The following SYT17 variants were observed in gnomAD, a reference collection of about 807,000 sequenced individuals.
SYT17 encodes synaptotagmin-17.
Under a neutral mutation model 46.7 loss-of-function variants are expected in SYT17, and 22 were observed. That is an observed-to-expected ratio of 0.47 (90% CI 0.34 to 0.67). SYT17 has a LOEUF of 0.67. SYT17 is among the 30% of genes least tolerant of loss of function. SYT17 has a pLI of 0.01. For missense variants in SYT17, 519 were observed against 612.8 expected (o/e 0.85, Z 1.62); for synonymous variants, 251 against 248.4 (o/e 1.01, Z -0.10).
At chr16:19,204,022 C>A (rs1359323698) in intron 5 of SYT17, among the ~76,000 whole-genome samples, 1 of 152,080 alleles carries the variant, frequency 6.6e-6, no homozygotes, top group Non-Finnish European at 1.5e-5. Context: ...CGTTACAAGA[C>A]AAAAAATAGG....
At chr16:19,222,614 G>A (rs9652578) in intron 5 of SYT17, among the ~76,000 whole-genome samples, 39,134 of 151,954 alleles carry the variant, frequency 0.26, 5,268 homozygotes, top group Middle Eastern at 0.33. Flanking sequence ...AACCAAATCA[G>A]CCTCCCTGGG....
intron 3 of SYT17, among the ~76,000 whole-genome samples, chr16:19,175,710 T>A (rs536317670): frequency 6.6e-6 from 1 of 151,430 alleles, no homozygotes; most frequent in South Asian, 2.1e-4. Context: ...TCAGTCCATC[T>A]GATGTCCTTA....
In SYT17 at chr16:19,223,106, T is replaced by A; in HGVS notation, c.1013T>A (p.Leu338Gln). The change falls in exon 6 of 8, where the codon CTG (leucine) becomes CAG (glutamine). Residue 338 changes from leucine to glutamine, a missense_variant. Coordinates refer to ENST00000355377, the MANE Select transcript of SYT17 (RefSeq NM_016524.4). The stretch of plus-strand genomic sequence containing the variant: ...AATTATCTCCCAAGTGCTGGCAGAC[T>A]GAATGTTGATGTCATTCGAGCCAAG... ...SLNYLPSAGR[L>Q]NVDVIRAKQL... 6.2e-7 allele frequency: 1 copy of A among 1,614,076 alleles called. No individual in the cohort carries two copies. The highest frequency in any genetic ancestry group is 8.5e-7 in the Non-Finnish European group (1 of 1,179,948).
In SYT17 at chr16:19,256,437, A is replaced by AACACACACACACACACAC. The variant is rs57120408; in HGVS notation, c.1229-10416_1229-10399dup. Among the ~76,000 whole-genome samples, 65 of 129,032 alleles carry AACACACACACACACACAC rather than the reference A, an allele frequency of 5.0e-4. 1 individual carries two copies. The highest frequency in any genetic ancestry group is 2.3e-3 in the East Asian group (10 of 4,386). The allele number at this position is 129,032 out of a possible 152,430, so 84.7% of individuals were successfully genotyped here. Reference sequence around the variant, plus strand: ...TGGTTGAGGTTTTAACCCCTCTTCAAACACACACACACACACACACACACA... The same window carrying AACACACACACACACACAC: ...TGGTTGAGGTTTTAACCCCTCTTCAAACACACACACACACACACACACACACACACACACACACACACA... On this transcript the variant is annotated intron_variant, in intron 7 of 7. Coordinates refer to ENST00000355377, the MANE Select transcript of SYT17 (RefSeq NM_016524.4).
intron 5 of SYT17, among the ~76,000 whole-genome samples, chr16:19,202,210 G>A (rs995325302): frequency 2.6e-5 from 4 of 152,108 alleles, no homozygotes; most frequent in Non-Finnish European, 4.4e-5. Context: ...AAAAGCCCCA[G>A]GGTGCCACCT....
At chr16:19,189,298 G>T (rs974169465) in intron 5 of SYT17, among the ~76,000 whole-genome samples, 8 of 150,232 alleles carry the variant, frequency 5.3e-5, no homozygotes, top group Non-Finnish European at 1.2e-4. Flanking sequence ...TCCAAATAAG[G>T]TCCCATTCTG....
intron 4 of SYT17, among the ~76,000 whole-genome samples, chr16:19,182,703 G>A (rs1296379460): frequency 6.6e-6 from 1 of 152,260 alleles, no homozygotes; most frequent in Non-Finnish European, 1.5e-5. Context: ...ATTGCTAGAA[G>A]AGAGGGATGT....
At chr16:19,177,364 T>C (rs970659011) in intron 3 of SYT17, among the ~76,000 whole-genome samples, 1 of 152,204 alleles carries the variant, frequency 6.6e-6, no homozygotes, top group Non-Finnish European at 1.5e-5. Context: ...GAATGAGGTC[T>C]CTTCTGAACA....
chr16:19,184,166 G>A lies in SYT17; in HGVS notation c.951+19G>A. On this transcript the variant is annotated intron_variant, in intron 5 of 7. Transcript: ENST00000355377. ...TTCTCAGGTAAGGGATGGGTTTGTGGTGTTTCCTCCTGGGAGCTTTTTTAA... is the reference window on the plus strand; with the variant it reads ...TTCTCAGGTAAGGGATGGGTTTGTGATGTTTCCTCCTGGGAGCTTTTTTAA... 4 of 1,591,298 alleles carry A rather than the reference G, an allele frequency of 2.5e-6. No individual in the cohort carries two copies. Among genetic ancestry groups the A allele is most frequent in the Non-Finnish European group, 3.4e-6 (4 of 1,165,538 alleles).
chr16:19,172,210 C>A lies in SYT17; in HGVS notation c.16-550C>A, dbSNP rs528907589. Reference sequence around the variant, plus strand: ...GGAGGACCTCCTTCCTCAAGAGGACCAGATTAGGGCTTCCTTTTTAGTTCC... The same window carrying A: ...GGAGGACCTCCTTCCTCAAGAGGACAAGATTAGGGCTTCCTTTTTAGTTCC... On this transcript the variant is annotated intron_variant, in intron 1 of 7. Transcript: ENST00000355377. 19 of 511,164 alleles carry A rather than the reference C, an allele frequency of 3.7e-5. No individual in the cohort carries two copies. In the East Asian group the frequency reaches 9.1e-4, roughly 24 times the overall value. 31.7% of individuals were successfully genotyped at this position (511,164 alleles called of 1,614,324 possible).
intron 7 of SYT17, chr16:19,249,825 T>C (rs1567232823): frequency 9.4e-7 from 1 of 1,069,258 alleles, no homozygotes; most frequent in Non-Finnish European, 1.3e-6. Context: ...TGGTCTGTTA[T>C]TGGAGTCATT....
intron 5 of SYT17, among the ~76,000 whole-genome samples, chr16:19,216,050 A>ACT (rs1282189384): frequency 1.3e-5 from 2 of 152,252 alleles, no homozygotes; most frequent in South Asian, 4.1e-4. Context: ...GGCCCCTCCC[A>ACT]CTATATGTGG....
intron 7 of SYT17, among the ~76,000 whole-genome samples, chr16:19,252,761 G>A (rs1406468593): frequency 6.6e-6 from 1 of 151,272 alleles, no homozygotes; most frequent in Non-Finnish European, 1.5e-5. Flanking sequence ...GGGTCACTGG[G>A]AAAACTTTAA....
intron 7 of SYT17, among the ~76,000 whole-genome samples, chr16:19,235,663 C>T (rs1966840525): frequency 2.0e-5 from 3 of 152,136 alleles, no homozygotes; most frequent in South Asian, 4.1e-4. Flanking sequence ...ACTATTATAA[C>T]CATGCTCCAC....
At chr16:19,172,492 A>C in intron 1 of SYT17, 2 of 1,481,028 alleles carry the variant, frequency 1.4e-6, no homozygotes, top group Non-Finnish European at 1.8e-6. Context: ...ATACGGTGCA[A>C]ATCAAATCGA....
chr16:19,224,847 C>T lies in SYT17; in HGVS notation c.1228+9C>T. 1 of 1,613,748 alleles carries T rather than the reference C, an allele frequency of 6.2e-7. No homozygotes were observed. Among genetic ancestry groups the T allele is most frequent in the Non-Finnish European group, 8.5e-7 (1 of 1,179,812 alleles). On this transcript the variant is annotated intron_variant, in intron 7 of 7. Coordinates refer to ENST00000355377, the MANE Select transcript of SYT17 (RefSeq NM_016524.4). ...CAGCCTAGTGTTTACAGGTAGGTAG[C>T]ATTCCAAAACCCGATGAACTCCAGG...
intron 3 of SYT17, among the ~76,000 whole-genome samples, chr16:19,178,825 T>G (rs1317134689): frequency 1.3e-5 from 2 of 152,070 alleles, no homozygotes; most frequent in African/African-American, 4.8e-5. Flanking sequence ...TTTTTCTACC[T>G]CCTTTCCCAT....
chr16:19,256,481 C>T (rs923124017), intron 7 of SYT17, among the ~76,000 whole-genome samples: 3 of 148,190 alleles, frequency 2.0e-5, no homozygotes, highest in Admixed American at 1.3e-4. Context: ...CACACACACA[C>T]GTACCATACA....
chr16:19,202,078 C>T (rs1567210111), intron 5 of SYT17, among the ~76,000 whole-genome samples: 1 of 152,130 alleles, frequency 6.6e-6, no homozygotes, highest in Non-Finnish European at 1.5e-5. Flanking sequence ...CTCCATTTCT[C>T]TGGACACCAA....
Sources: gnomAD v4.1 joint callset for allele counts (sites outside exome capture counted in the v4.1 genomes callset) on GRCh38, gnomAD v4.1.1 for gene constraint, MANE v1.5 for transcripts, NCBI Gene and HGNC (gene_info 2026-07-23, HGNC 2026-07-21) for gene names.